The following SPSB1 variants were observed in gnomAD, a reference collection of about 807,000 sequenced individuals.
SPSB1 encodes the protein SPRY domain-containing SOCS box protein 1.
SPSB1 carries 8 observed loss-of-function variants against 21.2 expected under a neutral mutation model. The observed-to-expected ratio is 0.38, with a 90% CI of 0.22 to 0.68. The LOEUF (loss-of-function observed/expected upper bound fraction) is 0.68, where lower values mean the gene tolerates loss of function less well. SPSB1 is among the 30% of genes least tolerant of loss of function. The pLI, the probability that SPSB1 is intolerant of heterozygous loss-of-function variation, is 0.53. For missense variants in SPSB1, 242 were observed against 377.8 expected, an observed-to-expected ratio of 0.64 and a Z score of 2.98; for synonymous variants, 169 against 161.7, an observed-to-expected ratio of 1.05 and a Z score of -0.34.
chr1:9,298,173 G>A (rs538998112), intron 1 of SPSB1, among the ~76,000 whole-genome samples: 1 of 152,204 alleles, frequency 6.6e-6, no homozygotes, highest in East Asian at 1.9e-4. Context: ...AAGTGAAATA[G>A]ACAGGAAACC....
intron 1 of SPSB1, among the ~76,000 whole-genome samples, chr1:9,309,823 T>C (rs1479767733): frequency 1.3e-5 from 2 of 152,028 alleles, no homozygotes; most frequent in Admixed American, 6.6e-5. Flanking sequence ...GCCTGGGCAA[T>C]AGTGTGTGAC....
At chr1:9,309,550 C>T (rs547236623) in intron 1 of SPSB1, among the ~76,000 whole-genome samples, 2 of 152,064 alleles carry the variant, frequency 1.3e-5, no homozygotes, top group African/African-American at 4.8e-5. Context: ...GCATTTAAAA[C>T]GTGGTAATCA....
rs1377108604 is a variant in SPSB1, at chr1:9,346,036, C to G, written c.-149-9707C>G. ...ACCAAGAGTGTCCCTGCCACTCATG[C>G]TCAGGATGCTGGAGGGAGCACAGAA... On this transcript the variant is annotated intron_variant, in intron 1 of 2. Coordinates refer to ENST00000328089, the MANE Select transcript of SPSB1 (RefSeq NM_025106.4). The surrounding 1 kb of genome is among the most constrained non-coding windows in gnomAD (Gnocchi z 4.4). Among the ~76,000 whole-genome samples the G allele has an allele frequency of 2.0e-5, 3 of 152,214 alleles. No individual in the cohort carries two copies. Among genetic ancestry groups the G allele is most frequent in the Admixed American group, 6.5e-5 (1 of 15,288 alleles).
intron 2 of SPSB1, among the ~76,000 whole-genome samples, chr1:9,365,826 C>G (rs780088098): frequency 1.3e-5 from 2 of 152,144 alleles, no homozygotes; most frequent in Non-Finnish European, 2.9e-5. Context: ...AAGGGGAGAC[C>G]GTGGATGAAG....
intron 1 of SPSB1, among the ~76,000 whole-genome samples, chr1:9,316,798 A>G (rs560384043): frequency 7.2e-5 from 11 of 152,170 alleles, no homozygotes; most frequent in Non-Finnish European, 1.6e-4. Context: ...CTTCGAGCCC[A>G]GCTTGGGAGG....
Position 9,363,632 on chromosome 1 carries a change from C to T in SPSB1, c.695-3816C>T, listed in dbSNP as rs555255437. Among the ~76,000 whole-genome samples, 4 of 152,248 alleles carry T rather than the reference C, an allele frequency of 2.6e-5. No individual in the cohort carries two copies. The highest frequency in any genetic ancestry group is 6.5e-5 in the Admixed American group (1 of 15,294). On this transcript the variant is annotated intron_variant, in intron 2 of 2. Transcript: ENST00000328089. This position sits in a 1 kb window ranked among gnomAD's most constrained non-coding sequence, Gnocchi z 4.5. ...CAGGCCATGGCTGGGGCTGGGGCTGCGGTGTCAGCCACTCAAAATAAGGCA... is the reference window on the plus strand; with the variant it reads ...CAGGCCATGGCTGGGGCTGGGGCTGTGGTGTCAGCCACTCAAAATAAGGCA...
chr1:9,327,371 G>A (rs1246352686), intron 1 of SPSB1, among the ~76,000 whole-genome samples: 1 of 152,122 alleles, frequency 6.6e-6, no homozygotes, highest in South Asian at 2.1e-4. Flanking sequence ...CTTAAAAGTC[G>A]ATCGCCAGGC....
chr1:9,306,928 TTC>T (rs201389836), intron 1 of SPSB1, among the ~76,000 whole-genome samples: 66,001 of 135,538 alleles, frequency 0.49, 14,959 homozygotes, highest in East Asian at 0.65. Flanking sequence ...TCTTCTTTTC[TTC>T]TTTTTTTTTT....
intron 1 of SPSB1, among the ~76,000 whole-genome samples, chr1:9,335,410 G>A (rs956299084): frequency 1.5e-4 from 23 of 152,012 alleles, no homozygotes; most frequent in African/African-American, 5.6e-4. Context: ...GCTTAGACAG[G>A]AGAATCACTT....
chr1:9,355,711 G>T, intron 1 of SPSB1, 32 bp from the exon 2 acceptor site: 1 of 1,342,222 alleles, frequency 7.5e-7, no homozygotes. Context: ...CCACAGTCCT[G>T]CTCACCGGTT....
chr1:9,355,614 G>A (rs540811231), intron 1 of SPSB1, 129 bp from the exon 2 acceptor site: 89 of 1,047,346 alleles, frequency 8.5e-5, no homozygotes, highest in East Asian at 3.4e-4. Flanking sequence ...CAGCCTGCCC[G>A]TGTCAGGCAT....
At chr1:9,351,974 G>A (rs1314905825) in intron 1 of SPSB1, among the ~76,000 whole-genome samples, 1 of 152,184 alleles carries the variant, frequency 6.6e-6, no homozygotes, top group Non-Finnish European at 1.5e-5. Context: ...GCCCTGCCCG[G>A]GGAAAACGCC....
chr1:9,293,652 C>T lies in SPSB1; in HGVS notation c.-150+581C>T, dbSNP rs1402125302. Among the ~76,000 whole-genome samples the T allele has an allele frequency of 2.6e-5, 4 of 152,132 alleles. No individual in the cohort carries two copies. Among genetic ancestry groups the T allele is most frequent in the Admixed American group, 6.5e-5 (1 of 15,284 alleles). On this transcript the variant is annotated intron_variant, in intron 1 of 2. Coordinates refer to ENST00000328089, the MANE Select transcript of SPSB1 (RefSeq NM_025106.4). The surrounding 1 kb of genome is among the most constrained non-coding windows in gnomAD (Gnocchi z 5.1). The stretch of plus-strand genomic sequence containing the variant: ...GAGCCGCCGCGGCTTCTCCCAGCAG[C>T]GGAGGGAGAGCCGGAGGGTTGTCAG...
intron 1 of SPSB1, among the ~76,000 whole-genome samples, chr1:9,340,014 G>A (rs991681224): frequency 4.6e-5 from 7 of 152,236 alleles, no homozygotes; most frequent in African/African-American, 1.4e-4. Flanking sequence ...AACCACCTGG[G>A]CATGCAGGTC....
At chr1:9,295,191 A>AGTGT (rs146610581) in intron 1 of SPSB1, among the ~76,000 whole-genome samples, 18 of 144,908 alleles carry the variant, frequency 1.2e-4, no homozygotes, top group African/African-American at 2.6e-4. Context: ...CAGTAGATGG[A>AGTGT]GTGTGTGTGT....
Position 9,367,529 on chromosome 1 carries a change from C to T in SPSB1, c.776C>T (p.Thr259Met), listed in dbSNP as rs770144020. 90 of 1,612,714 alleles carry T rather than the reference C, an allele frequency of 5.6e-5. No homozygotes were observed. The highest frequency in any genetic ancestry group is 6.7e-5 in the African/African-American group (5 of 74,902). Residue 259 changes from threonine (T) to methionine (M), a missense_variant, in exon 3 of 3, where the codon ACG becomes ATG. Thr to Met is a moderately conservative substitution (Grantham distance 81). Coordinates refer to ENST00000328089, the MANE Select transcript of SPSB1 (RefSeq NM_025106.4). This position sits in a 1 kb window ranked among gnomAD's most constrained non-coding sequence, Gnocchi z 5.9. ...LGRERLGEIH[T>M]LPLPASLKAY... ...AGGGAGCGCCTGGGGGAGATCCACA[C>T]GCTGCCGCTGCCGGCTTCCCTCAAG...
At chr1:9,304,600 G>A (rs908808400) in intron 1 of SPSB1, among the ~76,000 whole-genome samples, 5 of 152,160 alleles carry the variant, frequency 3.3e-5, no homozygotes, top group Admixed American at 1.3e-4. Context: ...TTGAATGTGG[G>A]GTGTAGAGAA....
chr1:9,300,390 T>C (rs1467468963), intron 1 of SPSB1, among the ~76,000 whole-genome samples: 1 of 152,202 alleles, frequency 6.6e-6, no homozygotes, highest in Admixed American at 6.5e-5. Context: ...CTGTGCAACC[T>C]GCTTTGCCAC....
In SPSB1 at chr1:9,367,755, C is replaced by T. The variant is rs1640602771; in HGVS notation, c.*180C>T. 1 of 900,436 alleles carries T rather than the reference C, an allele frequency of 1.1e-6. No individual in the cohort carries two copies. The highest frequency in any genetic ancestry group is 1.6e-6 in the Non-Finnish European group (1 of 613,078). 55.8% of individuals were successfully genotyped at this position (900,436 alleles called of 1,614,324 possible). On this transcript the variant is annotated 3_prime_UTR_variant, in exon 3 of 3. Transcript: ENST00000328089. The surrounding 1 kb of genome is among the most constrained non-coding windows in gnomAD (Gnocchi z 5.9). The stretch of plus-strand genomic sequence containing the variant: ...GGACAAGGACCGATTCCAACACAGG[C>T]TCCTCTTTCCCCCTTCCCGACATCA...
Sources: gnomAD v4.1 joint callset for allele counts (sites outside exome capture counted in the v4.1 genomes callset) on GRCh38, gnomAD v4.1.1 for gene constraint, Gnocchi (gnomAD v3.1) non-coding constraint, MANE v1.5 for transcripts, NCBI Gene and HGNC (gene_info 2026-07-23, HGNC 2026-07-21) for gene names.